The following HEATR4 variants were observed in gnomAD, a reference collection of about 807,000 sequenced individuals.
The protein encoded by HEATR4 is HEAT repeat containing 4.
A neutral mutation model predicts 108.8 loss-of-function variants in HEATR4; 95 were observed. The ratio of observed to expected loss-of-function variants is 0.87; its 90% CI spans 0.74 to 1.04. The LOEUF (loss-of-function observed/expected upper bound fraction) is 1.04, where lower values mean the gene tolerates loss of function less well. Among genes scored for constraint, HEATR4 ranks in the 50% least tolerant of loss-of-function variants. The pLI is 0.00. For missense variants in HEATR4, 1,152 were observed against 1,253.8 expected (o/e 0.92, Z 1.23); for synonymous variants, 443 against 459.4 (o/e 0.96, Z 0.46).
At chr14:73,573,331 C>A in the HEATR4 span, 5 of 1,610,074 alleles carry the variant, frequency 3.1e-6, 1 homozygote, top group Non-Finnish European at 4.3e-6. Context: ...TTAACTTAAA[C>A]CATCCAACTG....
At chr14:73,617,400 AC>A in the HEATR4 span, among the ~76,000 whole-genome samples, 1 of 151,858 alleles carries the variant, frequency 6.6e-6, no homozygotes, top group Non-Finnish European at 1.5e-5. Flanking sequence ...GGATTGCTTG[AC>A]CCCAGGAGTT....
the HEATR4 span, chr14:73,575,415 G>A: frequency 1.1e-5 from 15 of 1,333,154 alleles, no homozygotes; most frequent in Admixed American, 5.1e-5. Context: ...GGAGCCCAGG[G>A]CTCATGCCAT....
chr14:73,609,032 C>T, the HEATR4 span, among the ~76,000 whole-genome samples: 3 of 152,174 alleles, frequency 2.0e-5, no homozygotes, highest in Non-Finnish European at 4.4e-5. Flanking sequence ...CCTCCCAGGA[C>T]ATATGGGGAT....
At chr14:73,569,024 G>C in the HEATR4 span, 1 of 607,336 alleles carries the variant, frequency 1.6e-6, no homozygotes, top group Non-Finnish European at 2.9e-6. Context: ...AACCAGCCCT[G>C]GTCCAGCCCA....
At chr14:73,478,895 G>A in intron 17 of HEATR4, 53 bp from the exon 18 acceptor site, 1 of 1,416,502 alleles carries the variant, frequency 7.1e-7, no homozygotes, top group Non-Finnish European at 9.7e-7. Flanking sequence ...TCTCATGTGA[G>A]CGGCAGAGCC....
At position 73,478,827 on chromosome 14, in the gene HEATR4, C is replaced by A; in HGVS notation, c.2860G>T (p.Ala954Ser). 1.2e-6 allele frequency: 2 copies of A among 1,605,404 alleles called. No homozygotes were observed. The highest frequency in any genetic ancestry group is 2.2e-5 in the South Asian group (2 of 90,758). Residue 954 changes from alanine to serine, a missense_variant, in exon 18 of 18, where the codon GCA becomes TCA. Coordinates refer to ENST00000553558, the MANE Select transcript of HEATR4 (RefSeq NM_001220484.1). ...EAVIKPVKPR[A>S]PNPWLQSSVP... ...GAACTTTGTAACCAGGGATTTGGTG[C>A]GCGGGGCTTCACAGGCTGCAGAGAA...
At chr14:73,479,999 A>C (rs1885182434) in intron 17 of HEATR4, among the ~76,000 whole-genome samples, 1 of 152,212 alleles carries the variant, frequency 6.6e-6, no homozygotes. Flanking sequence ...ATATATGTTC[A>C]CTCACACATT....
At position 73,535,618 on chromosome 14, in the gene HEATR4, G is replaced by A. The variant is rs1379389778; in HGVS notation, c.-151-5374C>T. ...CGAGTAGCTGGGACTACAGGCGCCT[G>A]CCACCACGCCCGGCGAATTTTTTGT... On this transcript the variant is annotated intron_variant, in intron 1 of 17. Transcript: ENST00000553558. Among the ~76,000 whole-genome samples the A allele has an allele frequency of 4.7e-5, 5 of 107,462 alleles. 2 individuals carry two copies. The highest frequency in any genetic ancestry group is 1.5e-4 in the African/African-American group (5 of 33,376). 70.5% of individuals were successfully genotyped at this position (107,462 alleles called of 152,430 possible).
rs1446601380 is a variant in HEATR4, at chr14:73,545,724, G to A, written c.-152+13027C>T. Among the ~76,000 whole-genome samples the A allele has an allele frequency of 9.1e-5, 9 of 99,392 alleles. 3 individuals carry two copies. Among genetic ancestry groups the A allele is most frequent in the African/African-American group, 1.3e-4 (4 of 30,778 alleles). 65.2% of individuals were successfully genotyped at this position (99,392 alleles called of 152,430 possible). On this transcript the variant is annotated intron_variant, in intron 1 of 17. Transcript: ENST00000553558. ...TAGTATATGACTCTCTTAGAAAAGT[G>A]CAATAGTTAAAACTTGTTTTAGTAG...
chr14:73,593,959 G>A, the HEATR4 span: 16 of 1,472,774 alleles, frequency 1.1e-5, no homozygotes, highest in Non-Finnish European at 1.5e-5. Flanking sequence ...TCCATAGAGA[G>A]TGTAACCTTT....
the HEATR4 span, among the ~76,000 whole-genome samples, chr14:73,564,892 CT>C: frequency 6.6e-6 from 1 of 151,624 alleles, no homozygotes; most frequent in East Asian, 1.9e-4. Context: ...TTTCAGTAGT[CT>C]TTTTAAAAAA....
At chr14:73,628,292 A>G in the HEATR4 span, among the ~76,000 whole-genome samples, 1 of 151,688 alleles carries the variant, frequency 6.6e-6, no homozygotes, top group African/African-American at 2.4e-5. Context: ...TCACAATATC[A>G]CATAGTCATT....
the HEATR4 span, chr14:73,619,661 AC>A: frequency 6.2e-7 from 1 of 1,614,162 alleles, no homozygotes; most frequent in Non-Finnish European, 8.5e-7. Flanking sequence ...CACTGTATTG[AC>A]CCACCTTATT....
chr14:73,509,260 G>C, intron 8 of HEATR4, 52 bp downstream of exon 8: 1 of 1,537,012 alleles, frequency 6.5e-7, no homozygotes, highest in Non-Finnish European at 9.0e-7. Flanking sequence ...AAAGCTGATA[G>C]TGAGATGTCT....
At chr14:73,590,722 G>C in the HEATR4 span, among the ~76,000 whole-genome samples, 1 of 151,862 alleles carries the variant, frequency 6.6e-6, no homozygotes, top group East Asian at 1.9e-4. Context: ...CCGGCCGGCC[G>C]CTCCAAGTGC....
chr14:73,520,993 C>A lies in HEATR4; in HGVS notation c.928G>T (p.Gly310Cys). 1 of 1,613,708 alleles carries A rather than the reference C, an allele frequency of 6.2e-7. No homozygotes were observed. The highest frequency in any genetic ancestry group is 1.7e-4 in the Middle Eastern group (1 of 6,056). Residue 310 changes from glycine to cysteine, a missense_variant, in exon 4 of 18, where the codon GGC (glycine) becomes TGC (cysteine). Physicochemically the swap from Gly to Cys is radical, Grantham distance 159. Coordinates refer to ENST00000553558, the MANE Select transcript of HEATR4 (RefSeq NM_001220484.1). ...QQAETVEIMP[G>C]NKSTEDIHEK... ...TGGATATCCTCAGTGCTCTTGTTGC[C>A]AGGCATGATCTCAACTGTCTCTGCT...
chr14:73,569,499 G>C, the HEATR4 span: 4 of 1,611,210 alleles, frequency 2.5e-6, no homozygotes, highest in African/African-American at 2.7e-5. Flanking sequence ...CGCCGTGCGC[G>C]GCCTAGCCCC....
At chr14:73,593,592 C>T in the HEATR4 span, 1 of 1,011,196 alleles carries the variant, frequency 9.9e-7, no homozygotes, top group Non-Finnish European at 1.4e-6. Context: ...ATCCTCCTGC[C>T]TTGGCCTCCT....
intron 17 of HEATR4, chr14:73,490,925 C>T: frequency 8.0e-7 from 1 of 1,254,076 alleles, no homozygotes; most frequent in Non-Finnish European, 1.0e-6. Context: ...AGGCCGCGCC[C>T]CCTTCCCAGA....
Sources: gnomAD v4.1 joint callset for allele counts (sites outside exome capture counted in the v4.1 genomes callset) on GRCh38, gnomAD v4.1.1 for gene constraint, MANE v1.5 for transcripts, NCBI Gene and HGNC (gene_info 2026-07-23, HGNC 2026-07-21) for gene names.